Variants in THOC6 observed in about 807,000 individuals in gnomAD.
THOC6 encodes the protein THO complex subunit 6, also known as THO complex 6.
In THOC6, 39 loss-of-function variants were observed where a neutral mutation model predicts 55.8. That is an observed-to-expected ratio of 0.70 (90% CI 0.54 to 0.91). The LOEUF is 0.91. Ranked by LOEUF, THOC6 falls within the 40% of genes least tolerant of loss-of-function variation. The pLI is 0.00. For synonymous variants in THOC6, 192 were observed against 175.6 expected, an observed-to-expected ratio of 1.09 and a Z score of -0.74; for missense variants, 482 against 442.0, an observed-to-expected ratio of 1.09 and a Z score of -0.81.
At chr16:3,025,350 G>A (rs547589891) in intron 1 of THOC6, among the ~76,000 whole-genome samples, 2 of 152,308 alleles carry the variant, frequency 1.3e-5, no homozygotes, top group South Asian at 4.1e-4. Context: ...CACCACACCC[G>A]GCTTAAGCAC....
chr16:3,024,839 T>TTAGTAGA (rs1205342741), intron 1 of THOC6, among the ~76,000 whole-genome samples: 6 of 151,812 alleles, frequency 4.0e-5, no homozygotes, highest in Non-Finnish European at 5.9e-5. Context: ...TTCACCATGT[T>TTAGTAGA]GACCAGGCTG....
In THOC6 at chr16:3,025,743, G is replaced by A; in HGVS notation, c.75G>A (p.Met25Ile). 1.9e-6 allele frequency: 3 copies of A among 1,614,138 alleles called. No homozygotes were observed. Among genetic ancestry groups the A allele is most frequent in the Non-Finnish European group, 2.5e-6 (3 of 1,180,004 alleles). ...TCCAGGCCTTGCAGCGGCTCCATAT[G>A]ACCATCTTCTCCCAGAGCGTCTCAC... ...EVFQALQRLH[M>I]TIFSQSVSPC... The change falls in exon 2 of 13, where the codon ATG (methionine) becomes ATA (isoleucine). Residue 25 changes from methionine to isoleucine, a missense_variant. Coordinates refer to ENST00000326266, the MANE Select transcript of THOC6 (RefSeq NM_024339.5).
At chr16:3,026,481 A>G in intron 6 of THOC6, 35 bp from the exon 7 acceptor site, 1 of 1,614,036 alleles carries the variant, frequency 6.2e-7, no homozygotes, top group Non-Finnish European at 8.5e-7. Flanking sequence ...TCCTGATTTG[A>G]CATTGACTTT....
Position 3,025,771 on chromosome 16 carries a change from T to C in THOC6, c.103T>C (p.Cys35Arg). The change falls in exon 2 of 13, where the codon TGT becomes CGT. Residue 35 changes from cysteine (C) to arginine (R), a missense_variant. Transcript: ENST00000326266. ...CATCTTCTCCCAGAGCGTCTCACCA[T>C]GTGGGAAGTTTCTGGCGGCTGGCAA... is the stretch of plus-strand genomic sequence containing the variant. ...MTIFSQSVSP[C>R]GKFLAAGNNY... 6.2e-7 allele frequency: 1 copy of C among 1,614,202 alleles called. No individual in the cohort carries two copies.
Position 3,025,950 on chromosome 16 carries a change from C to G in THOC6, c.182C>G (p.Ala61Gly), listed in dbSNP as rs759399188. Residue 61 changes from alanine (A) to glycine (G), a missense_variant, in exon 3 of 13, where the codon GCC becomes GGC. Transcript: ENST00000326266. ...TTGTCCTCTGCTTTGAGCTCAGAAG[C>G]CAAAGAGGAAAGTAAGAAGCCGGTG... ...FSLSSALSSE[A>G]KEESKKPVVT... 1 of 1,614,190 alleles carries G rather than the reference C, an allele frequency of 6.2e-7. No homozygotes were observed. The highest frequency in any genetic ancestry group is 1.7e-5 in the Admixed American group (1 of 60,020).
At chr16:3,025,659 G>A (rs112570303) in intron 1 of THOC6, 49 bp from the exon 2 acceptor site, 2 of 1,536,566 alleles carry the variant, frequency 1.3e-6, no homozygotes, top group South Asian at 1.1e-5. Flanking sequence ...ATCTGTGGAT[G>A]GGAGGTTTCA....
Position 3,027,440 on chromosome 16 carries a change from C to G in THOC6, c.885C>G (p.Gly295=). The change falls in exon 12 of 13, where the codon GGC becomes GGG. Residue 295 remains glycine (G), a synonymous_variant. Coordinates refer to ENST00000326266, the MANE Select transcript of THOC6 (RefSeq NM_024339.5). The part of the protein sequence containing the change: ...LSGELKAQVP[G]SSPGLLSLSL... ...GGGAGCTGAAGGCCCAGGTGCCTGGCTCCTCCCCAGGGCTGCTCAGCCTCA... is the reference window on the plus strand; with the variant it reads ...GGGAGCTGAAGGCCCAGGTGCCTGGGTCCTCCCCAGGGCTGCTCAGCCTCA... 6.2e-7 allele frequency: 1 copy of G among 1,611,744 alleles called. No homozygotes were observed. The highest frequency in any genetic ancestry group is 1.1e-5 in the South Asian group (1 of 91,004).
chr16:3,027,559 T>G lies in THOC6; in HGVS notation c.946-18T>G. 1 of 1,613,492 alleles carries G rather than the reference T, an allele frequency of 6.2e-7. No individual in the cohort carries two copies. The highest frequency in any genetic ancestry group is 1.7e-4 in the Middle Eastern group (1 of 6,058). ...GGCAGGGGTGTGGGCAGGCCAGTCA[T>G]GCCCCTCTTTCCTCCAGGTCCTGAC... On this transcript the variant is annotated intron_variant, in intron 12 of 12. Coordinates refer to ENST00000326266, the MANE Select transcript of THOC6 (RefSeq NM_024339.5).
rs1463545611 is a variant in THOC6 at position 3,024,129 on chromosome 16, G to C, written c.-198G>C. 2.8e-6 allele frequency: 2 copies of C among 721,984 alleles called. No individual in the cohort carries two copies. The highest frequency in any genetic ancestry group is 2.6e-5 in the Admixed American group (1 of 38,740). The allele number at this position is 721,984 out of a possible 1,614,324, so 44.7% of individuals were successfully genotyped here. A position where few individuals can be genotyped will look rare whatever the true frequency, so the allele number is the denominator to read the frequency against. On this transcript the variant is annotated 5_prime_UTR_variant, in exon 1 of 13. Coordinates refer to ENST00000326266, the MANE Select transcript of THOC6 (RefSeq NM_024339.5). ...GGTGGGGGAGGGTATCCGGCTTAAG[G>C]GGGCTGCGGTGGACACCACTTCTTA... is the stretch of plus-strand genomic sequence containing the variant.
chr16:3,024,277 T>C lies in THOC6; in HGVS notation c.-50T>C, dbSNP rs373078091. 11 of 1,613,412 alleles carry C rather than the reference T, an allele frequency of 6.8e-6. No homozygotes were observed. Among genetic ancestry groups the C allele is most frequent in the African/African-American group, 1.3e-5 (1 of 74,926 alleles). ...GGAACCGCTCTAGGCACGTAAGGCC[T>C]CGTGAGGTTGCGTCGCGCGCGGAGC... On this transcript the variant is annotated 5_prime_UTR_variant, in exon 1 of 13. Transcript: ENST00000326266.
At chr16:3,027,320 C>T in intron 11 of THOC6, 40 bp downstream of exon 11, 5 of 1,614,170 alleles carry the variant, frequency 3.1e-6, no homozygotes, top group Non-Finnish European at 4.2e-6. Flanking sequence ...CCCACTGACT[C>T]TTCCCTTCAG....
Position 3,025,842 on chromosome 16 carries a change from C to G in THOC6, c.155+19C>G. 1 of 1,614,104 alleles carries G rather than the reference C, an allele frequency of 6.2e-7. No homozygotes were observed. Among genetic ancestry groups the G allele is most frequent in the African/African-American group, 1.3e-5 (1 of 75,060 alleles). On this transcript the variant is annotated intron_variant, in intron 2 of 12. Coordinates refer to ENST00000326266, the MANE Select transcript of THOC6 (RefSeq NM_024339.5). ...TCTTCAGGTACCCTCTGCCGCTGTC[C>G]ACCCATTAGCCCTGGCACTTGGCCC... is the stretch of plus-strand genomic sequence containing the variant.
At chr16:3,025,874 G>C in intron 2 of THOC6, 50 bp from the exon 3 acceptor site, 1 of 1,614,186 alleles carries the variant, frequency 6.2e-7, no homozygotes. Context: ...GCCCTCATGG[G>C]ACGGATGCCC....
At chr16:3,024,831 CACCATG>C (rs1490196878) in intron 1 of THOC6, among the ~76,000 whole-genome samples, 6 of 151,394 alleles carry the variant, frequency 4.0e-5, no homozygotes, top group Non-Finnish European at 5.9e-5. Flanking sequence ...GACAGGGTTT[CACCATG>C]TTGACCAGGC....
Position 3,024,378 on chromosome 16 carries a change from TG to T in THOC6, c.39+15del, listed in dbSNP as rs767634265. 1.8e-5 allele frequency: 29 copies of T among 1,613,884 alleles called. No homozygotes were observed. Among genetic ancestry groups the T allele is most frequent in the Non-Finnish European group, 2.4e-5 (28 of 1,179,972 alleles). ...GCCTCTGGGTCAGGTGAGACGGACGTGGTGCGCGTTGCCTTCTGGGGTTTGT... is the reference window on the plus strand; with the variant it reads ...GCCTCTGGGTCAGGTGAGACGGACGTGTGCGCGTTGCCTTCTGGGGTTTGT... On this transcript the variant is annotated intron_variant, in intron 1 of 12. Coordinates refer to ENST00000326266, the MANE Select transcript of THOC6 (RefSeq NM_024339.5).
Position 3,027,489 on chromosome 16 carries a change from C to A in THOC6, c.934C>A (p.Pro312Thr), listed in dbSNP as rs1297911644. ...CAGCCTCAACCAGCAGCCTGCCGCG[C>A]CTGAGTGCAAGGTGGGTCCGGCAGG... is the stretch of plus-strand genomic sequence containing the variant. The part of the protein sequence containing the change: ...SLSLNQQPAA[P>T]ECKVLTAAGN... Residue 312 changes from proline (P) to threonine (T), a missense_variant, in exon 12 of 13, where the codon CCT (proline) becomes ACT (threonine). By Grantham distance (38) the Pro-to-Thr change is conservative. Transcript: ENST00000326266. The A allele has an allele frequency of 6.2e-7, 1 of 1,610,384 alleles. No individual in the cohort carries two copies. Among genetic ancestry groups the A allele is most frequent in the Non-Finnish European group, 8.5e-7 (1 of 1,177,840 alleles).
At chr16:3,024,598 CTT>C (rs756283336) in intron 1 of THOC6, among the ~76,000 whole-genome samples, 6 of 123,980 alleles carry the variant, frequency 4.8e-5, no homozygotes, top group Non-Finnish European at 3.5e-5. Flanking sequence ...AGTAGAGGTA[CTT>C]TTTTTTTTTT....
chr16:3,025,489 C>T (rs1045970527), intron 1 of THOC6, among the ~76,000 whole-genome samples: 8 of 152,206 alleles, frequency 5.3e-5, no homozygotes, highest in Non-Finnish European at 1.0e-4. Context: ...CTCAGAGGTC[C>T]CTGAGGCATC....
chr16:3,026,445 A>C, intron 6 of THOC6, 32 bp downstream of exon 6: 3 of 1,614,088 alleles, frequency 1.9e-6, no homozygotes, highest in Non-Finnish European at 1.7e-6. Flanking sequence ...TCTTGGTCCA[A>C]ACTTTGATCC....
Sources: gnomAD v4.1 joint callset for allele counts (sites outside exome capture counted in the v4.1 genomes callset) on GRCh38, gnomAD v4.1.1 for gene constraint, MANE v1.5 for transcripts, NCBI Gene and HGNC (gene_info 2026-07-23, HGNC 2026-07-21) for gene names.